Variants in ADGRL3 observed in about 807,000 individuals in gnomAD.
The protein encoded by ADGRL3 is calcium-independent alpha-latrotoxin receptor 3.
ADGRL3 carries 62 observed loss-of-function variants against 153.5 expected under a neutral mutation model. The ratio of observed to expected loss-of-function variants is 0.40; its 90% confidence interval spans 0.33 to 0.50. The LOEUF is 0.50. Among genes scored for constraint, ADGRL3 ranks in the 20% least tolerant of loss-of-function variants. ADGRL3 has a pLI of 0.47. For missense variants in ADGRL3, 1,641 were observed against 1,859.4 expected, an observed-to-expected ratio of 0.88 and a Z score of 2.16; for synonymous variants, 710 against 672.5, an observed-to-expected ratio of 1.06 and a Z score of -0.86.
chr4:61,399,565 T>A (rs9654273), intron 2 of ADGRL3, among the ~76,000 whole-genome samples: 137,234 of 151,560 alleles, frequency 0.91, 63,381 homozygotes, highest in Non-Finnish European at 1. Flanking sequence ...AAAGTAGAAG[T>A]TGTCAACAAA....
intron 2 of ADGRL3, among the ~76,000 whole-genome samples, chr4:61,411,878 A>G (rs2097092143): frequency 2.0e-5 from 3 of 152,218 alleles, no homozygotes; most frequent in South Asian, 4.1e-4. Flanking sequence ...AAATTAAGCT[A>G]TGAAATGATA....
chr4:61,220,717 C>A (rs1220340192), intron 1 of ADGRL3, among the ~76,000 whole-genome samples: 1 of 152,056 alleles, frequency 6.6e-6, no homozygotes, highest in African/African-American at 2.4e-5. Context: ...CAGGGACTTC[C>A]ATTTGGAATC....
intron 17 of ADGRL3, among the ~76,000 whole-genome samples, chr4:61,964,719 T>C (rs1230830732): frequency 6.6e-6 from 1 of 152,096 alleles, no homozygotes; most frequent in Admixed American, 6.6e-5. Flanking sequence ...ATTAGTGAAA[T>C]GATTTTAGCA....
chr4:61,815,143 A>G (rs2148641732), intron 9 of ADGRL3, among the ~76,000 whole-genome samples: 1 of 152,264 alleles, frequency 6.6e-6, no homozygotes, highest in African/African-American at 2.4e-5. Flanking sequence ...GGGAAGAAAA[A>G]TGAGATAAAA....
At chr4:61,605,129 A>G (rs1002851908) in intron 5 of ADGRL3, among the ~76,000 whole-genome samples, 6 of 150,910 alleles carry the variant, frequency 4.0e-5, no homozygotes, top group African/African-American at 1.5e-4. Flanking sequence ...AGGAAAAAAA[A>G]AACTAAAAAG....
intron 3 of ADGRL3, among the ~76,000 whole-genome samples, chr4:61,497,874 T>A (rs2098339062): frequency 6.6e-6 from 1 of 152,108 alleles, no homozygotes; most frequent in Non-Finnish European, 1.5e-5. Context: ...GTTGCATTTC[T>A]TAAAGTGCCT....
intron 23 of ADGRL3, among the ~76,000 whole-genome samples, chr4:62,036,948 A>C (rs555056773): frequency 2.6e-5 from 4 of 152,086 alleles, no homozygotes; most frequent in African/African-American, 9.7e-5. Flanking sequence ...AAAAGTTGAT[A>C]TATTTCTCTG....
intron 2 of ADGRL3, among the ~76,000 whole-genome samples, chr4:61,489,964 T>G (rs1374230582): frequency 6.6e-6 from 1 of 152,098 alleles, no homozygotes; most frequent in Non-Finnish European, 1.5e-5. Context: ...CAAAATGAAT[T>G]TATATTCCTT....
At chr4:61,763,190 CTTT>C (rs771693851) in intron 8 of ADGRL3, among the ~76,000 whole-genome samples, 4 of 137,242 alleles carry the variant, frequency 2.9e-5, no homozygotes, top group Non-Finnish European at 3.2e-5. Flanking sequence ...AGTAACATTT[CTTT>C]TTTTTTTTTT....
At chr4:61,246,115 C>G (rs1314809136) in intron 1 of ADGRL3, among the ~76,000 whole-genome samples, 1 of 152,092 alleles carries the variant, frequency 6.6e-6, no homozygotes, top group Admixed American at 6.6e-5. Flanking sequence ...ATCTACAACT[C>G]TTTTCAGATC....
intron 8 of ADGRL3, among the ~76,000 whole-genome samples, chr4:61,759,422 T>C (rs981721149): frequency 2.0e-5 from 3 of 152,232 alleles, no homozygotes; most frequent in Non-Finnish European, 2.9e-5. Context: ...TTCATTCTTT[T>C]GATTTTCCAT....
At chr4:61,963,249 A>AT (rs892337448) in intron 17 of ADGRL3, among the ~76,000 whole-genome samples, 12 of 145,788 alleles carry the variant, frequency 8.2e-5, no homozygotes, top group Non-Finnish European at 7.6e-5. Flanking sequence ...TACTATGACT[A>AT]TTTTTTTTTT....
chr4:61,290,676 AAGG>A, intron 1 of ADGRL3, among the ~76,000 whole-genome samples: 1 of 150,072 alleles, frequency 6.7e-6, no homozygotes, highest in Non-Finnish European at 1.5e-5. Flanking sequence ...GGAAGGAAGG[AAGG>A]AAGGAAGGAG....
chr4:61,721,745 C>A (rs2096247397), intron 6 of ADGRL3, among the ~76,000 whole-genome samples: 1 of 152,154 alleles, frequency 6.6e-6, no homozygotes, highest in African/African-American at 2.4e-5. Flanking sequence ...CCTTTCCTCC[C>A]ATCACTCCCC....
intron 5 of ADGRL3, among the ~76,000 whole-genome samples, chr4:61,673,174 G>A (rs780929877): frequency 4.6e-5 from 7 of 151,866 alleles, no homozygotes; most frequent in Non-Finnish European, 8.8e-5. Flanking sequence ...GTTTCCAGAA[G>A]CTATGGAGAT....
At chr4:61,775,866 G>A (rs2097141945) in intron 8 of ADGRL3, 1 of 455,112 alleles carries the variant, frequency 2.2e-6, no homozygotes, top group South Asian at 5.5e-5. Context: ...TGGGTTACCG[G>A]TGAAGACGAA....
intron 1 of ADGRL3, among the ~76,000 whole-genome samples, chr4:61,233,441 A>G (rs1370439470): frequency 6.6e-6 from 1 of 152,056 alleles, no homozygotes; most frequent in African/African-American, 2.4e-5. Context: ...AATAAGTCCT[A>G]TGTAGGAAAG....
intron 4 of ADGRL3, among the ~76,000 whole-genome samples, chr4:61,572,575 G>A (rs1461736500): frequency 6.6e-6 from 1 of 152,016 alleles, no homozygotes; most frequent in Non-Finnish European, 1.5e-5. Context: ...TACAGATAAA[G>A]CTTTTTTAAA....
intron 9 of ADGRL3, among the ~76,000 whole-genome samples, chr4:61,890,487 A>G (rs1347977174): frequency 6.9e-6 from 1 of 145,340 alleles, no homozygotes; most frequent in Non-Finnish European, 1.5e-5. Context: ...GCATCATCCC[A>G]TGGCAGAAGG....
Sources: gnomAD v4.1 joint callset for allele counts (sites outside exome capture counted in the v4.1 genomes callset) on GRCh38, gnomAD v4.1.1 for gene constraint, MANE v1.5 for transcripts, NCBI Gene and HGNC (gene_info 2026-07-23, HGNC 2026-07-21) for gene names.